The following CNNM2 variants were observed in gnomAD, a reference collection of about 807,000 sequenced individuals.
CNNM2 encodes the protein metal transporter CNNM2.
A neutral mutation model predicts 66.9 loss-of-function variants in CNNM2; 12 were observed. The observed-to-expected ratio is 0.18, with a 90% CI of 0.11 to 0.29. The LOEUF (loss-of-function observed/expected upper bound fraction) is 0.29, where lower values mean the gene tolerates loss of function less well. Ranked by LOEUF, CNNM2 falls within the 10% of genes least tolerant of loss-of-function variation. The pLI, the probability that CNNM2 is intolerant of heterozygous loss-of-function variation, is 1.00. For synonymous variants in CNNM2, 557 were observed against 501.8 expected, an observed-to-expected ratio of 1.11 and a Z score of -1.47; for missense variants, 705 against 1,167.7, an observed-to-expected ratio of 0.60 and a Z score of 5.77.
rs145634520 is a variant in CNNM2, at chr10:102,989,487, T to TA, written c.1622-60210dup. On this transcript the variant is annotated intron_variant, in intron 1 of 7. Transcript: ENST00000369878. Reference sequence around the variant, plus strand: ...TTGCTTTATGTTCTTAAAGTGAGTTTAAAAAAAAAATGGTACATTTAAAGA... The same window carrying TA: ...TTGCTTTATGTTCTTAAAGTGAGTTTAAAAAAAAAAATGGTACATTTAAAGA... 0.084 allele frequency among the ~76,000 whole-genome samples: 12,619 copies of TA among 149,832 alleles called. 790 individuals carry two copies. The highest frequency in any genetic ancestry group is 0.28 in the East Asian group (1,430 of 5,104).
intron 1 of CNNM2, among the ~76,000 whole-genome samples, chr10:102,955,297 A>C (rs1204658692): frequency 6.6e-6 from 1 of 152,214 alleles, no homozygotes; most frequent in African/African-American, 2.4e-5. Flanking sequence ...CTATTTAATA[A>C]ATGGTGCTGG....
At chr10:102,997,718 C>T (rs2064030625) in intron 1 of CNNM2, among the ~76,000 whole-genome samples, 1 of 151,936 alleles carries the variant, frequency 6.6e-6, no homozygotes, top group African/African-American at 2.4e-5. Flanking sequence ...TGAAGCTGTC[C>T]TTCAATTAAG....
chr10:102,943,386 C>T (rs1846496913), intron 1 of CNNM2, among the ~76,000 whole-genome samples: 1 of 151,940 alleles, frequency 6.6e-6, no homozygotes, highest in Non-Finnish European at 1.5e-5. Flanking sequence ...ATTATGATCT[C>T]ACCTCTGAAT....
At chr10:103,072,238 C>G (rs2065597333) in intron 6 of CNNM2, among the ~76,000 whole-genome samples, 1 of 152,186 alleles carries the variant, frequency 6.6e-6, no homozygotes, top group African/African-American at 2.4e-5. Context: ...GCCTCAAACC[C>G]TGAGGCCGCT....
intron 1 of CNNM2, among the ~76,000 whole-genome samples, chr10:103,014,978 G>T (rs1008070949): frequency 1.3e-5 from 2 of 151,978 alleles, no homozygotes; most frequent in Non-Finnish European, 2.9e-5. Flanking sequence ...GATATCCCCA[G>T]GCACTTCAAA....
At chr10:103,060,259 G>A (rs568332028) in intron 4 of CNNM2, among the ~76,000 whole-genome samples, 28 of 152,068 alleles carry the variant, frequency 1.8e-4, no homozygotes, top group African/African-American at 5.5e-4. Context: ...AATAAAATTC[G>A]AAATAAAAAA....
At chr10:103,013,777 G>A (rs1208218273) in intron 1 of CNNM2, among the ~76,000 whole-genome samples, 1 of 152,174 alleles carries the variant, frequency 6.6e-6, no homozygotes, top group Non-Finnish European at 1.5e-5. Flanking sequence ...AGTTAAGGTT[G>A]TATTATACTT....
In CNNM2 at chr10:102,918,415, G is replaced by C; in HGVS notation, c.-66G>C. On this transcript the variant is annotated 5_prime_UTR_variant, in exon 1 of 8. Coordinates refer to ENST00000369878, the MANE Select transcript of CNNM2 (RefSeq NM_017649.5). The surrounding 1 kb of genome is among the most constrained non-coding windows in gnomAD (Gnocchi z 4.1). The stretch of plus-strand genomic sequence containing the variant: ...GGACGCTCCGTTGCAGTCTCGCCCA[G>C]GGGCCGGTACCTGCGCTCGCGCCGC... 3 of 1,556,132 alleles carry C rather than the reference G, an allele frequency of 1.9e-6. No homozygotes were observed. The highest frequency in any genetic ancestry group is 2.6e-6 in the Non-Finnish European group (3 of 1,157,784).
Position 103,085,330 on chromosome 10 carries a change from G to A in CNNM2, c.*8150G>A, listed in dbSNP as rs1298676959. On this transcript the variant is annotated 3_prime_UTR_variant, in exon 8 of 8. Coordinates refer to ENST00000369878, the MANE Select transcript of CNNM2 (RefSeq NM_017649.5). The stretch of plus-strand genomic sequence containing the variant: ...AAGATACCCACACACTCAAGTCAAA[G>A]ATAACTCTGGTGAGAACACTCTCTC... 6.6e-6 allele frequency: 1 copy of A among 152,210 alleles called. No homozygotes were observed. The highest frequency in any genetic ancestry group is 2.4e-5 in the African/African-American group (1 of 41,448). The allele number at this position is 152,210 out of a possible 1,614,324, so 9.4% of individuals were successfully genotyped here.
intron 1 of CNNM2, among the ~76,000 whole-genome samples, chr10:102,981,799 T>C (rs2063725385): frequency 6.6e-6 from 1 of 151,920 alleles, no homozygotes. Flanking sequence ...TAAGTGTTTA[T>C]TGGCCATATG....
Position 102,996,617 on chromosome 10 carries a change from T to C in CNNM2, c.1622-53090T>C, listed in dbSNP as rs7911789. ...TACTCGGGAGGCCGAGGTGGGAGGT[T>C]GAAGCTCAGTAAGCTGTGATTGCCC... On this transcript the variant is annotated intron_variant, in intron 1 of 7. Coordinates refer to ENST00000369878, the MANE Select transcript of CNNM2 (RefSeq NM_017649.5). Among the ~76,000 whole-genome samples, 61,408 of 152,134 alleles carry C rather than the reference T, an allele frequency of 0.4. 12,590 individuals carry two copies. Among genetic ancestry groups the C allele is most frequent in the East Asian group, 0.49 (2,515 of 5,176 alleles).
At chr10:102,987,567 C>A (rs1341464598) in intron 1 of CNNM2, among the ~76,000 whole-genome samples, 1 of 151,976 alleles carries the variant, frequency 6.6e-6, no homozygotes, top group East Asian at 1.9e-4. Flanking sequence ...GTGATCTGCC[C>A]GCCTCGGCCT....
At chr10:102,973,352 T>A (rs968971416) in intron 1 of CNNM2, among the ~76,000 whole-genome samples, 3 of 152,088 alleles carry the variant, frequency 2.0e-5, no homozygotes, top group Non-Finnish European at 2.9e-5. Context: ...TTATGGCTCA[T>A]TGGAGCCTCA....
Position 103,034,329 on chromosome 10 carries a change from G to T in CNNM2, c.1622-15378G>T, listed in dbSNP as rs76752100. On this transcript the variant is annotated intron_variant, in intron 1 of 7. Coordinates refer to ENST00000369878, the MANE Select transcript of CNNM2 (RefSeq NM_017649.5). ...TCTGTCTTTCTTGTTTTTTTTTTTT[G>T]GTTTTAAAAACAAAACAAAACAAAA... Among the ~76,000 whole-genome samples, 14,213 of 129,878 alleles carry T rather than the reference G, an allele frequency of 0.11. 853 individuals carry two copies. Among genetic ancestry groups the T allele is most frequent in the East Asian group, 0.3 (1,425 of 4,730 alleles). The allele number at this position is 129,878 out of a possible 152,430, so 85.2% of individuals were successfully genotyped here. A position where few individuals can be genotyped will look rare whatever the true frequency, so the allele number is the denominator to read the frequency against.
intron 1 of CNNM2, among the ~76,000 whole-genome samples, chr10:102,943,036 C>G (rs1444906914): frequency 6.6e-6 from 1 of 152,044 alleles, no homozygotes; most frequent in Non-Finnish European, 1.5e-5. Context: ...ACCAGCCTGG[C>G]CAACATAGTG....
intron 1 of CNNM2, among the ~76,000 whole-genome samples, chr10:102,939,815 A>T (rs1240298711): frequency 6.6e-6 from 1 of 152,194 alleles, no homozygotes; most frequent in Non-Finnish European, 1.5e-5. Flanking sequence ...TACTAAAAAT[A>T]CAAAAATCAG....
At position 102,950,684 on chromosome 10, in the gene CNNM2, T is replaced by A. The variant is rs1846792650; in HGVS notation, c.1621+30583T>A. Among the ~76,000 whole-genome samples, 3 of 152,000 alleles carry A rather than the reference T, an allele frequency of 2.0e-5. No homozygotes were observed. The South Asian group carries it at 6.2e-4, about 32-fold the overall frequency. ...CTGGAGGATCGCTTAAGCCCAGGAA[T>A]TCAAGGTTGTATAGAGCTATGATTA... On this transcript the variant is annotated intron_variant, in intron 1 of 7. Transcript: ENST00000369878.
chr10:103,049,512 C>T (rs1335827637), intron 1 of CNNM2, among the ~76,000 whole-genome samples, 195 bp from the exon 2 acceptor site: 1 of 152,118 alleles, frequency 6.6e-6, no homozygotes, highest in Non-Finnish European at 1.5e-5. Flanking sequence ...GCTCTTCTGG[C>T]GTAACTTTCT....
At chr10:102,927,566 C>CA (rs1273968009) in intron 1 of CNNM2, 18 of 1,035,266 alleles carry the variant, frequency 1.7e-5, no homozygotes, top group Non-Finnish European at 2.3e-5. Flanking sequence ...TCCAGACTGA[C>CA]AGTCTGGCCA....
Sources: allele counts gnomAD v4.1 joint callset (sites outside exome capture counted in the v4.1 genomes callset), GRCh38; gene constraint gnomAD v4.1.1; non-coding constraint Gnocchi (gnomAD v3.1); transcripts MANE v1.5; gene names NCBI Gene and HGNC (gene_info 2026-07-23, HGNC 2026-07-21).